Variants in CNTLN observed in about 807,000 individuals in gnomAD.
The protein encoded by CNTLN is centlein.
In CNTLN, 212 loss-of-function variants were observed where a neutral mutation model predicts 180.0. That is an observed-to-expected ratio of 1.18 (90% CI 1.05 to 1.32). CNTLN has a LOEUF of 1.32. CNTLN is among the 40% of genes most tolerant of loss of function. The probability of loss-of-function intolerance (pLI) is 0.00; values close to 1 mark genes in which losing one functional copy is unlikely to be tolerated. For synonymous variants in CNTLN, 722 were observed against 563.1 expected (o/e 1.28, Z -3.99); for missense variants, 2,095 against 1,610.9 (o/e 1.30, Z -5.14).
At chr9:17,248,523 A>C (rs989793125) in intron 5 of CNTLN, among the ~76,000 whole-genome samples, 1 of 141,704 alleles carries the variant, frequency 7.1e-6, no homozygotes, top group African/African-American at 2.7e-5. Flanking sequence ...ATAATTTATA[A>C]ATATTTATAA....
chr9:17,414,769 C>T (rs774639798), intron 16 of CNTLN, among the ~76,000 whole-genome samples: 10 of 152,090 alleles, frequency 6.6e-5, no homozygotes, highest in Non-Finnish European at 1.5e-4. Context: ...TTCTAGATTG[C>T]ATATATCTAT....
At chr9:17,512,499 C>G in the CNTLN span, among the ~76,000 whole-genome samples, 1 of 151,976 alleles carries the variant, frequency 6.6e-6, no homozygotes. Context: ...TGGAAACAGT[C>G]GACTACAAAA....
chr9:17,241,608 T>A (rs1481255754), intron 5 of CNTLN, among the ~76,000 whole-genome samples: 2 of 148,324 alleles, frequency 1.3e-5, no homozygotes, highest in African/African-American at 5.2e-5. Flanking sequence ...AGTATTTTGA[T>A]AGGGATTGCA....
intron 6 of CNTLN, 66 bp from the exon 7 acceptor site, chr9:17,298,124 A>G: frequency 1.5e-6 from 2 of 1,312,070 alleles, no homozygotes; most frequent in Non-Finnish European, 2.0e-6. Flanking sequence ...CCTTAGATGA[A>G]CACAATTATT....
chr9:17,408,664 G>C (rs937695273), intron 15 of CNTLN, among the ~76,000 whole-genome samples: 1 of 151,992 alleles, frequency 6.6e-6, no homozygotes, highest in East Asian at 1.9e-4. Context: ...AGTCAGGCGT[G>C]GTGATGGGCG....
chr9:17,310,119 T>A (rs1325353070), intron 8 of CNTLN, among the ~76,000 whole-genome samples: 1 of 152,180 alleles, frequency 6.6e-6, no homozygotes, highest in Non-Finnish European at 1.5e-5. Context: ...CTTTGTTTAG[T>A]TCTTTATTAT....
At chr9:17,423,036 C>T (rs1047466638) in intron 18 of CNTLN, among the ~76,000 whole-genome samples, 1 of 152,192 alleles carries the variant, frequency 6.6e-6, no homozygotes, top group Non-Finnish European at 1.5e-5. Context: ...CAGACAGAGA[C>T]TGTCATTCTC....
chr9:17,380,766 G>A lies in CNTLN; in HGVS notation c.1988-7396G>A, dbSNP rs112252819. 3.2e-4 allele frequency among the ~76,000 whole-genome samples: 49 copies of A among 152,298 alleles called. 2 individuals are homozygous for A. Among genetic ancestry groups the A allele is most frequent in the African/African-American group, 1.2e-3 (48 of 41,576 alleles). Reference sequence around the variant, plus strand: ...TATCAGACAATGCAAGAAACAAGCAGATGGGGAAACTCATTCATAAACAAT... The same window carrying A: ...TATCAGACAATGCAAGAAACAAGCAAATGGGGAAACTCATTCATAAACAAT... On this transcript the variant is annotated intron_variant, in intron 13 of 25. Coordinates refer to ENST00000380647, the MANE Select transcript of CNTLN (RefSeq NM_017738.4).
chr9:17,455,681 G>A (rs931366497), intron 18 of CNTLN, among the ~76,000 whole-genome samples: 4 of 152,054 alleles, frequency 2.6e-5, no homozygotes, highest in African/African-American at 7.2e-5. Context: ...GAAACACCAC[G>A]TGTAGAGTCA....
intron 2 of CNTLN, among the ~76,000 whole-genome samples, chr9:17,195,934 A>C (rs893711841): frequency 5.3e-5 from 8 of 152,228 alleles, no homozygotes; most frequent in Non-Finnish European, 1.0e-4. Context: ...TCTACATAAG[A>C]TTAAATTTTA....
In CNTLN at chr9:17,188,011, CATATATATAT is replaced by C. The variant is rs10556334; in HGVS notation, c.450-38180_450-38171del. ...TTATATATACACTATATATATACAC[CATATATATAT>C]ATATATATATACACAGCATATTTAT... On this transcript the variant is annotated intron_variant, in intron 2 of 25. Transcript: ENST00000380647. 5.8e-3 allele frequency among the ~76,000 whole-genome samples: 843 copies of C among 145,782 alleles called. 6 individuals are homozygous for C. The highest frequency in any genetic ancestry group is 0.02 in the African/African-American group (811 of 40,284).
chr9:17,145,498 A>G (rs186519946), intron 2 of CNTLN, among the ~76,000 whole-genome samples: 40 of 152,346 alleles, frequency 2.6e-4, no homozygotes, highest in Non-Finnish European at 4.1e-4. Context: ...AGTTATCCAA[A>G]TTATGATCCA....
intron 2 of CNTLN, among the ~76,000 whole-genome samples, chr9:17,201,656 G>C (rs1360039841): frequency 6.6e-6 from 1 of 152,208 alleles, no homozygotes; most frequent in South Asian, 2.1e-4. Flanking sequence ...ATGGTAGTTT[G>C]TATTTCTGTG....
At chr9:17,336,076 G>A (rs1208871391) in intron 10 of CNTLN, among the ~76,000 whole-genome samples, 1 of 152,104 alleles carries the variant, frequency 6.6e-6, no homozygotes, top group Non-Finnish European at 1.5e-5. Context: ...TGTGTATCCT[G>A]TAGGAAAATA....
chr9:17,406,303 C>T (rs1827385748), intron 15 of CNTLN, among the ~76,000 whole-genome samples: 1 of 151,774 alleles, frequency 6.6e-6, no homozygotes, highest in South Asian at 2.1e-4. Flanking sequence ...TCATCAGTTG[C>T]CTGGAATATG....
intron 18 of CNTLN, among the ~76,000 whole-genome samples, chr9:17,450,109 A>G (rs1830697376): frequency 2.0e-5 from 3 of 152,222 alleles, no homozygotes; most frequent in Non-Finnish European, 4.4e-5. Context: ...ATATGCAGAT[A>G]TCCATATTTC....
At chr9:17,165,761 C>T (rs1463570112) in intron 2 of CNTLN, among the ~76,000 whole-genome samples, 1 of 152,192 alleles carries the variant, frequency 6.6e-6, no homozygotes, top group East Asian at 1.9e-4. Flanking sequence ...AACAGTGGGA[C>T]ACTAACTGAA....
At chr9:17,366,515 C>T (rs907981382) in intron 12 of CNTLN, 102 bp from the exon 13 acceptor site, 2 of 505,824 alleles carry the variant, frequency 4.0e-6, no homozygotes, top group African/African-American at 2.1e-5. Context: ...AATATCTTTA[C>T]TGACTTTGAT....
At chr9:17,461,922 T>C (rs1209370840) in intron 19 of CNTLN, among the ~76,000 whole-genome samples, 1 of 151,730 alleles carries the variant, frequency 6.6e-6, no homozygotes, top group African/African-American at 2.4e-5. Context: ...AACACTCTAG[T>C]TACCACCTCT....
Sources: allele counts gnomAD v4.1 joint callset (sites outside exome capture counted in the v4.1 genomes callset), GRCh38; gene constraint gnomAD v4.1.1; transcripts MANE v1.5; gene names NCBI Gene and HGNC (gene_info 2026-07-23, HGNC 2026-07-21).